The following IFT57 variants were observed in gnomAD, a reference collection of about 807,000 sequenced individuals.
IFT57 encodes the protein intraflagellar transport 57, also known as intraflagellar transport protein 57 homolog.
Under a neutral mutation model 56.8 loss-of-function variants are expected in IFT57, and 59 were observed. That is an observed-to-expected ratio of 1.04 (90% CI 0.84 to 1.29). The LOEUF is 1.29. IFT57 is among the 50% of genes most tolerant of loss of function. The probability of loss-of-function intolerance (pLI) is 0.00; values close to 1 mark genes in which losing one functional copy is unlikely to be tolerated. For missense variants in IFT57, 470 were observed against 522.1 expected, an observed-to-expected ratio of 0.90 and a Z score of 0.97; for synonymous variants, 209 against 186.1, an observed-to-expected ratio of 1.12 and a Z score of -1.00.
chr3:108,217,089 G>A (rs1267271738), intron 3 of IFT57, among the ~76,000 whole-genome samples: 32 of 152,064 alleles, frequency 2.1e-4, no homozygotes. Flanking sequence ...ATAGCTCATA[G>A]AGATTTGGAA....
At chr3:108,199,769 A>C (rs973378324) in intron 5 of IFT57, among the ~76,000 whole-genome samples, 2 of 152,164 alleles carry the variant, frequency 1.3e-5, no homozygotes, top group Non-Finnish European at 2.9e-5. Context: ...TTATAGATTT[A>C]TGGGTTTTTG....
chr3:108,163,867 A>G lies in IFT57; in HGVS notation c.1045-138T>C. On this transcript the variant is annotated intron_variant, in intron 9 of 10. Transcript: ENST00000264538. ...AAGATATTAGGAATATTTTGGACAT[A>G]ATTCAAATAATATAAAGTATGCAGA... is the stretch of plus-strand genomic sequence containing the variant. 4 of 604,556 alleles carry G rather than the reference A, an allele frequency of 6.6e-6. No homozygotes were observed. The South Asian group carries it at 8.5e-5, about 13-fold the overall frequency. The allele number at this position is 604,556 out of a possible 1,614,324, so 37.4% of individuals were successfully genotyped here. A position where few individuals can be genotyped will look rare whatever the true frequency, so the allele number is the denominator to read the frequency against.
Position 108,219,455 on chromosome 3 carries a change from G to T in IFT57, c.330C>A (p.Asp110Glu). 1.2e-6 allele frequency: 2 copies of T among 1,613,802 alleles called. No individual in the cohort carries two copies. The highest frequency in any genetic ancestry group is 1.7e-6 in the Non-Finnish European group (2 of 1,179,742). Residue 110 changes from aspartate to glutamate, a missense_variant, in exon 2 of 11, where the codon GAC becomes GAA. By Grantham distance (45) the Asp-to-Glu change is conservative. Transcript: ENST00000264538. Reference protein sequence around the residue: ...RPFEQPQEYDDPNATISNILS... With the variant: ...RPFEQPQEYDEPNATISNILS... ...GTATGTTAGATATTGTTGCATTAGG[G>T]TCATCATATTCTTGAGGCTGCTCAA...
chr3:108,172,015 G>A (rs1024240058), intron 6 of IFT57, among the ~76,000 whole-genome samples: 1 of 151,762 alleles, frequency 6.6e-6, no homozygotes, highest in East Asian at 1.9e-4. Context: ...AATAGTTTGT[G>A]TTCTGCTATT....
At chr3:108,207,103 T>C (rs2080317996) in intron 4 of IFT57, among the ~76,000 whole-genome samples, 1 of 152,174 alleles carries the variant, frequency 6.6e-6, no homozygotes. Flanking sequence ...TGGACAAAAA[T>C]GAGAGGCTGA....
intron 3 of IFT57, among the ~76,000 whole-genome samples, chr3:108,214,496 C>G (rs1166636792): frequency 6.6e-6 from 1 of 152,058 alleles, no homozygotes; most frequent in Non-Finnish European, 1.5e-5. Flanking sequence ...GGGTAAACAA[C>G]TTTGTACAGT....
intron 6 of IFT57, among the ~76,000 whole-genome samples, chr3:108,187,015 G>C (rs1445857416): frequency 2.0e-5 from 3 of 152,124 alleles, no homozygotes; most frequent in African/African-American, 7.2e-5. Context: ...CCAACAGTAA[G>C]CTATTAGTAG....
intron 5 of IFT57, among the ~76,000 whole-genome samples, chr3:108,194,324 A>G (rs1471750599): frequency 6.6e-6 from 1 of 152,196 alleles, no homozygotes; most frequent in East Asian, 1.9e-4. Context: ...AACTACAAAA[A>G]CACTGATGAA....
intron 5 of IFT57, among the ~76,000 whole-genome samples, chr3:108,197,372 G>A (rs766705358): frequency 6.6e-6 from 1 of 152,146 alleles, no homozygotes; most frequent in Non-Finnish European, 1.5e-5. Flanking sequence ...CTAGGTAAAA[G>A]GAGAAACTGA....
intron 2 of IFT57, 50 bp downstream of exon 2, chr3:108,219,360 T>A (rs1236533776): frequency 6.7e-7 from 1 of 1,482,114 alleles, no homozygotes; most frequent in Non-Finnish European, 9.4e-7. Context: ...TTACCAGTAT[T>A]AAAATTCATA....
chr3:108,163,535 A>G (rs2080045243), intron 10 of IFT57, 128 bp downstream of exon 10: 2 of 644,724 alleles, frequency 3.1e-6, no homozygotes, highest in South Asian at 4.0e-5. Context: ...ATTTTTGTAC[A>G]ATGAATCTCT....
chr3:108,202,297 C>T (rs1310931110), intron 5 of IFT57, among the ~76,000 whole-genome samples: 2 of 152,112 alleles, frequency 1.3e-5, no homozygotes, highest in Non-Finnish European at 2.9e-5. Flanking sequence ...TACGGCATAG[C>T]CACTGTGAAC....
intron 5 of IFT57, 39 bp downstream of exon 5, chr3:108,206,585 CATTG>C (rs2080315184): frequency 1.2e-6 from 1 of 845,820 alleles, no homozygotes; most frequent in Non-Finnish European, 1.7e-6. Flanking sequence ...AGAACATGTA[CATTG>C]ATTGCTTGTT....
At chr3:108,203,005 GC>G (rs2080287597) in intron 5 of IFT57, among the ~76,000 whole-genome samples, 1 of 152,212 alleles carries the variant, frequency 6.6e-6, no homozygotes, top group Non-Finnish European at 1.5e-5. Context: ...CTTCAACTAT[GC>G]TGTGGTAATT....
At chr3:108,210,334 T>TTTG (rs759307979) in intron 4 of IFT57, among the ~76,000 whole-genome samples, 4 of 43,948 alleles carry the variant, frequency 9.1e-5, no homozygotes, top group African/African-American at 3.3e-4. Flanking sequence ...GAAATAATCT[T>TTTG]TTTTTTTTTT....
chr3:108,206,463 AT>A (rs1261871507), intron 5 of IFT57, among the ~76,000 whole-genome samples, 164 bp downstream of exon 5: 2 of 152,012 alleles, frequency 1.3e-5, no homozygotes, highest in Non-Finnish European at 2.9e-5. Context: ...GGATTTTTAT[AT>A]TTGCTATAAT....
At position 108,166,900 on chromosome 3, in the gene IFT57, T is replaced by C. The variant is rs1398542810; in HGVS notation, c.935A>G (p.Glu312Gly). The change falls in exon 8 of 11, where the codon GAG becomes GGG. Residue 312 changes from glutamate to glycine, a missense_variant. By Grantham distance (98) the Glu-to-Gly change is moderately conservative. Coordinates refer to ENST00000264538, the MANE Select transcript of IFT57 (RefSeq NM_018010.4). Reference sequence around the variant, plus strand: ...TGCACGATATTCTTGAACCAAATTCTCAAGCTGATTGTTGATGTACTTTTC... The same window carrying C: ...TGCACGATATTCTTGAACCAAATTCCCAAGCTGATTGTTGATGTACTTTTC... ...SREKYINNQL[E>G]NLVQEYRAAQ... The C allele has an allele frequency of 6.2e-7, 1 of 1,611,772 alleles. No homozygotes were observed. Among genetic ancestry groups the C allele is most frequent in the Admixed American group, 1.7e-5 (1 of 59,778 alleles).
At chr3:108,212,919 C>A (rs2080350798) in intron 4 of IFT57, among the ~76,000 whole-genome samples, 2 of 152,122 alleles carry the variant, frequency 1.3e-5, no homozygotes, top group South Asian at 2.1e-4. Context: ...TACAAATTTT[C>A]TTTCATTTCT....
At chr3:108,188,146 C>G (rs1318675030) in intron 6 of IFT57, among the ~76,000 whole-genome samples, 2 of 151,824 alleles carry the variant, frequency 1.3e-5, no homozygotes, top group African/African-American at 4.8e-5. Flanking sequence ...GTCCAAGTGT[C>G]TATTTGATTT....
Sources: allele counts gnomAD v4.1 joint callset (sites outside exome capture counted in the v4.1 genomes callset), GRCh38; gene constraint gnomAD v4.1.1; transcripts MANE v1.5; gene names NCBI Gene and HGNC (gene_info 2026-07-23, HGNC 2026-07-21).